The following SLC4A4 variants were observed in gnomAD, a reference collection of about 807,000 sequenced individuals.
SLC4A4 encodes solute carrier family 4 member 4.
SLC4A4 carries 27 observed loss-of-function variants against 111.5 expected under a neutral mutation model. The ratio of observed to expected loss-of-function variants is 0.24; its 90% CI spans 0.18 to 0.33. The LOEUF (loss-of-function observed/expected upper bound fraction) is 0.33, where lower values mean the gene tolerates loss of function less well. Ranked by LOEUF, SLC4A4 falls within the 10% of genes least tolerant of loss-of-function variation. The pLI is 1.00. For synonymous variants in SLC4A4, 443 were observed against 463.4 expected (o/e 0.96, Z 0.57); for missense variants, 909 against 1,315.5 (o/e 0.69, Z 4.78).
intron 6 of SLC4A4, among the ~76,000 whole-genome samples, chr4:71,358,899 G>T (rs557573589): frequency 6.6e-6 from 1 of 152,244 alleles, no homozygotes. Flanking sequence ...TCTTATGTAA[G>T]ATGAAATCCC....
chr4:71,107,764 G>A (rs1267618467), intron 2 of SLC4A4, among the ~76,000 whole-genome samples: 25 of 151,312 alleles, frequency 1.7e-4, no homozygotes, highest in Admixed American at 1.7e-3. Context: ...CTGGAGTACA[G>A]TGGTATGATC....
At chr4:71,195,253 T>A (rs1222411722) in intron 1 of SLC4A4, among the ~76,000 whole-genome samples, 1 of 142,458 alleles carries the variant, frequency 7.0e-6, no homozygotes, top group Non-Finnish European at 1.5e-5. Flanking sequence ...TTTTTTTTTT[T>A]TTAAAGAGCT....
At chr4:71,547,777 A>T in intron 20 of SLC4A4, 57 bp downstream of exon 20, 2 of 1,390,872 alleles carry the variant, frequency 1.4e-6, no homozygotes, top group Non-Finnish European at 2.0e-6. Flanking sequence ...ATAATTGGAC[A>T]TGTGAAGAGT....
chr4:71,068,062 G>A (rs13106940), intron 1 of SLC4A4, among the ~76,000 whole-genome samples: 1 of 136,316 alleles, frequency 7.3e-6, no homozygotes, highest in African/African-American at 2.8e-5. Context: ...TTGAACAAAC[G>A]TTTTTTTTTT....
At position 71,153,054 on chromosome 4, in the gene SLC4A4, A is replaced by ATATATATATAT. The variant is rs528058780; in HGVS notation, c.-2+60262_-2+60263insTATATATATAT. Among the ~76,000 whole-genome samples the ATATATATATAT allele has an allele frequency of 3.5e-3, 499 of 140,876 alleles. 2 individuals carry two copies. Among genetic ancestry groups the ATATATATATAT allele is most frequent in the East Asian group, 0.022 (108 of 5,018 alleles). The allele number at this position is 140,876 out of a possible 152,430, so 92.4% of individuals were successfully genotyped here. The stretch of plus-strand genomic sequence containing the variant: ...GTGTGTATATATATATATATATATA[A>ATATATATATAT]AAATAAAAGGAAGTTTATTAAGTAT... On this transcript the variant is annotated intron_variant, in intron 2 of 26. Transcript: ENST00000649996.
At chr4:71,566,450 T>G (rs1318348046) in intron 24 of SLC4A4, among the ~76,000 whole-genome samples, 1 of 151,622 alleles carries the variant, frequency 6.6e-6, no homozygotes, top group Non-Finnish European at 1.5e-5. Context: ...CCATTTGCCC[T>G]TCATCCTCTC....
intron 12 of SLC4A4, among the ~76,000 whole-genome samples, chr4:71,465,715 T>C (rs371398024): frequency 4.6e-5 from 7 of 152,118 alleles, no homozygotes; most frequent in African/African-American, 1.4e-4. Context: ...CCTTTGTTTT[T>C]ATTATTCTAA....
intron 18 of SLC4A4, among the ~76,000 whole-genome samples, chr4:71,537,947 G>GT (rs1029236909): frequency 9.9e-5 from 15 of 151,866 alleles, no homozygotes; most frequent in Admixed American, 7.2e-4. Flanking sequence ...CGTGGCTGTT[G>GT]TTTTTTGTAT....
intron 14 of SLC4A4, among the ~76,000 whole-genome samples, chr4:71,477,742 C>T (rs1474697326): frequency 6.6e-6 from 1 of 151,802 alleles, no homozygotes; most frequent in African/African-American, 2.4e-5. Context: ...ATCCCCCCAA[C>T]TTTCACTTGT....
intron 2 of SLC4A4, among the ~76,000 whole-genome samples, chr4:71,117,710 G>A (rs1743305234): frequency 6.6e-6 from 1 of 152,016 alleles, no homozygotes; most frequent in African/African-American, 2.4e-5. Flanking sequence ...TCTTTCTAAG[G>A]GTGAACTGCT....
chr4:71,305,529 A>C (rs1044354015), intron 3 of SLC4A4, among the ~76,000 whole-genome samples: 6 of 152,246 alleles, frequency 3.9e-5, no homozygotes, highest in Non-Finnish European at 7.3e-5. Flanking sequence ...TAAATCATGC[A>C]GTTTTAGCAA....
intron 2 of SLC4A4, among the ~76,000 whole-genome samples, chr4:71,140,527 T>C (rs1253421539): frequency 6.6e-6 from 1 of 152,176 alleles, no homozygotes; most frequent in Non-Finnish European, 1.5e-5. Flanking sequence ...GCCTTGAATT[T>C]CCAGTTGTAT....
chr4:71,385,724 A>C (rs1013534233), intron 6 of SLC4A4, among the ~76,000 whole-genome samples: 1 of 152,060 alleles, frequency 6.6e-6, no homozygotes, highest in Non-Finnish European at 1.5e-5. Flanking sequence ...CTACATTCCT[A>C]AGCTCTTTCA....
At chr4:71,175,467 G>A (rs971630541) in intron 2 of SLC4A4, among the ~76,000 whole-genome samples, 3 of 152,210 alleles carry the variant, frequency 2.0e-5, no homozygotes, top group Non-Finnish European at 4.4e-5. Context: ...GGAAAATTGG[G>A]TGACTCCCAC....
intron 6 of SLC4A4, among the ~76,000 whole-genome samples, chr4:71,394,689 T>G (rs1365241831): frequency 6.6e-6 from 1 of 152,100 alleles, no homozygotes; most frequent in African/African-American, 2.4e-5. Context: ...TGCCCATCAG[T>G]CGACGAGTGG....
chr4:71,376,592 A>T (rs1295915808), intron 6 of SLC4A4, among the ~76,000 whole-genome samples: 5 of 148,082 alleles, frequency 3.4e-5, no homozygotes, highest in South Asian at 4.2e-4. Flanking sequence ...ATATATTTAA[A>T]ATATATATAT....
At chr4:71,513,496 A>C (rs1732108631) in intron 16 of SLC4A4, among the ~76,000 whole-genome samples, 1 of 152,024 alleles carries the variant, frequency 6.6e-6, no homozygotes, top group Non-Finnish European at 1.5e-5. Flanking sequence ...CAACTGTACT[A>C]ATTTTTTTAA....
At chr4:71,376,825 C>CG (rs1732450320) in intron 6 of SLC4A4, among the ~76,000 whole-genome samples, 1 of 151,460 alleles carries the variant, frequency 6.6e-6, no homozygotes, top group South Asian at 2.1e-4. Context: ...TTAGTAGAGA[C>CG]GGGGTTTTGC....
chr4:71,067,915 T>A (rs970623658), intron 1 of SLC4A4, among the ~76,000 whole-genome samples: 1 of 152,014 alleles, frequency 6.6e-6, no homozygotes, highest in African/African-American at 2.4e-5. Flanking sequence ...ACCTGGCTAA[T>A]TTTTAAAAAT....
Sources: allele counts gnomAD v4.1 joint callset (sites outside exome capture counted in the v4.1 genomes callset), GRCh38; gene constraint gnomAD v4.1.1; transcripts MANE v1.5; gene names NCBI Gene and HGNC (gene_info 2026-07-23, HGNC 2026-07-21).